NFAT5: variants seen among roughly 807,000 people sequenced by gnomAD.
The protein encoded by NFAT5 is nuclear factor of activated T-cells 5.
A neutral mutation model predicts 166.5 loss-of-function variants in NFAT5; 31 were observed. The ratio of observed to expected loss-of-function variants is 0.19; its 90% confidence interval spans 0.14 to 0.25. NFAT5 has a LOEUF of 0.25. Among genes scored for constraint, NFAT5 ranks in the 10% least tolerant of loss-of-function variants. NFAT5 has a pLI of 1.00. For synonymous variants in NFAT5, 612 were observed against 639.7 expected, an observed-to-expected ratio of 0.96 and a Z score of 0.65; for missense variants, 1,449 against 1,821.8, an observed-to-expected ratio of 0.80 and a Z score of 3.72.
At chr16:69,651,009 T>C (rs72801352) in intron 4 of NFAT5, among the ~76,000 whole-genome samples, 8,758 of 152,340 alleles carry the variant, frequency 0.057, 278 homozygotes, top group Middle Eastern at 0.11. Flanking sequence ...TTGATACTTA[T>C]GTTCATAGAA....
At position 69,566,168 on chromosome 16, in the gene NFAT5, CGAG is replaced by C; in HGVS notation, c.-126_-124del. 5 of 680,692 alleles carry C rather than the reference CGAG, an allele frequency of 7.3e-6. No homozygotes were observed. Among genetic ancestry groups the C allele is most frequent in the Non-Finnish European group, 9.9e-6 (4 of 405,778 alleles). The allele number at this position is 680,692 out of a possible 1,614,324, so 42.2% of individuals were successfully genotyped here. A position where few individuals can be genotyped will look rare whatever the true frequency, so the allele number is the denominator to read the frequency against. On this transcript the variant is annotated 5_prime_UTR_variant, in exon 1 of 15. Coordinates refer to ENST00000349945, the MANE Select transcript of NFAT5 (RefSeq NM_138713.4). The surrounding 1 kb of genome is among the most constrained non-coding windows in gnomAD (Gnocchi z 5.7). ...TCGGCCCAGTGGAAGTCACTACCCT[CGAG>C]GAGGAGGCAGCGGCAGCCGCCCTCG...
intron 2 of NFAT5, among the ~76,000 whole-genome samples, chr16:69,601,993 G>C (rs2033155494): frequency 6.6e-6 from 1 of 152,088 alleles, no homozygotes; most frequent in Non-Finnish European, 1.5e-5. Flanking sequence ...ACAGTGTTGA[G>C]GTTAAGTGCA....
intron 2 of NFAT5, among the ~76,000 whole-genome samples, chr16:69,576,334 T>A (rs1402926471): frequency 6.6e-6 from 1 of 150,614 alleles, no homozygotes; most frequent in Non-Finnish European, 1.5e-5. Flanking sequence ...TTGGCATTTA[T>A]ACTTTGGGCC....
chr16:69,678,266 G>A (rs1470228236), intron 10 of NFAT5, among the ~76,000 whole-genome samples: 3 of 151,610 alleles, frequency 2.0e-5, no homozygotes, highest in Admixed American at 6.6e-5. Flanking sequence ...CCAGGCTGGA[G>A]TGCAATGGCG....
intron 11 of NFAT5, chr16:69,685,712 A>G (rs932373114): frequency 6.6e-6 from 1 of 152,198 alleles, no homozygotes; most frequent in Non-Finnish European, 1.5e-5. Context: ...TGCTGAACAG[A>G]TATGGGCAGC....
At chr16:69,591,801 C>T (rs2032477201) in intron 2 of NFAT5, among the ~76,000 whole-genome samples, 1 of 151,992 alleles carries the variant, frequency 6.6e-6, no homozygotes, top group South Asian at 2.1e-4. Flanking sequence ...GACTTAAGGC[C>T]AGGAGTTCAA....
chr16:69,688,954 A>G (rs947638920), intron 11 of NFAT5, among the ~76,000 whole-genome samples: 1 of 152,210 alleles, frequency 6.6e-6, no homozygotes, highest in African/African-American at 2.4e-5. Context: ...TGCCCTGTGC[A>G]TGATCTGAAG....
At chr16:69,578,428 A>G (rs911016040) in intron 2 of NFAT5, among the ~76,000 whole-genome samples, 1 of 152,226 alleles carries the variant, frequency 6.6e-6, no homozygotes, top group Admixed American at 6.5e-5. Flanking sequence ...TCTGATAGCT[A>G]GTTTGAGATA....
chr16:69,692,899 C>T lies in NFAT5; in HGVS notation c.3074C>T (p.Thr1025Ile). The T allele has an allele frequency of 6.2e-7, 1 of 1,614,156 alleles. No homozygotes were observed. Among genetic ancestry groups the T allele is most frequent in the Non-Finnish European group, 8.5e-7 (1 of 1,180,028 alleles). Reference sequence around the variant, plus strand: ...CAGATTCAGAACAGTGTCTTTCAGACCATGGTCCAAATGCAACATAGTGGG... The same window carrying T: ...CAGATTCAGAACAGTGTCTTTCAGATCATGGTCCAAATGCAACATAGTGGG... ...AKQIQNSVFQ[T>I]MVQMQHSGDN... The change falls in exon 13 of 15, where the codon ACC becomes ATC. Residue 1025 changes from threonine (T) to isoleucine (I), a missense_variant. Thr to Ile is a moderately conservative substitution (Grantham distance 89). This residue lies in a region of NFAT5 where 891 missense variants were observed against 993.0 expected (regional missense o/e 0.90). Transcript: ENST00000349945.
chr16:69,594,739 G>A (rs896255129), intron 2 of NFAT5, among the ~76,000 whole-genome samples: 2 of 152,136 alleles, frequency 1.3e-5, no homozygotes, highest in Non-Finnish European at 2.9e-5. Context: ...TATTGTCAGG[G>A]TTCTCTAGAG....
rs539867243 is a variant in NFAT5, at chr16:69,566,511, G to C, written c.73+137G>C. ...CCCCCATGGCTTCTTTGGCCGGAGCGGGCAGAGGCCGAAGGGATCGGGGTG... is the reference window on the plus strand; with the variant it reads ...CCCCCATGGCTTCTTTGGCCGGAGCCGGCAGAGGCCGAAGGGATCGGGGTG... On this transcript the variant is annotated intron_variant, in intron 1 of 14. Transcript: ENST00000349945. The surrounding 1 kb of genome is among the most constrained non-coding windows in gnomAD (Gnocchi z 5.7). The C allele has an allele frequency of 6.5e-6, 5 of 765,878 alleles. No individual in the cohort carries two copies. Among genetic ancestry groups the C allele is most frequent in the African/African-American group, 5.2e-5 (3 of 57,414 alleles). 47.4% of individuals were successfully genotyped at this position (765,878 alleles called of 1,614,324 possible).
At chr16:69,644,175 C>T (rs1232003246) in intron 3 of NFAT5, among the ~76,000 whole-genome samples, 1 of 151,812 alleles carries the variant, frequency 6.6e-6, no homozygotes, top group East Asian at 1.9e-4. Flanking sequence ...GTCTCAGTTA[C>T]TCGGGAAGCT....
At chr16:69,637,466 A>G (rs1308283794) in intron 3 of NFAT5, among the ~76,000 whole-genome samples, 3 of 152,202 alleles carry the variant, frequency 2.0e-5, no homozygotes, top group Non-Finnish European at 4.4e-5. Context: ...CAGATTGGGA[A>G]GAAAAAATGT....
At chr16:69,660,037 G>A (rs1368753569) in intron 7 of NFAT5, 138 bp downstream of exon 7, 2 of 733,438 alleles carry the variant, frequency 2.7e-6, no homozygotes, top group East Asian at 2.8e-5. Context: ...TTTAAAAGCA[G>A]TAGTCAGATT....
At position 69,566,272 on chromosome 16, in the gene NFAT5, T is replaced by A; in HGVS notation, c.-30T>A. 1 of 1,586,940 alleles carries A rather than the reference T, an allele frequency of 6.3e-7. No homozygotes were observed. Among genetic ancestry groups the A allele is most frequent in the African/African-American group, 1.4e-5 (1 of 73,708 alleles). On this transcript the variant is annotated 5_prime_UTR_variant, in exon 1 of 15. Transcript: ENST00000349945. This position sits in a 1 kb window ranked among gnomAD's most constrained non-coding sequence, Gnocchi z 5.7. Reference sequence around the variant, plus strand: ...GCCACCGCCGCTCCCCCCCTCCCGCTGCCCTCGGGCCGGGCTGGGTCGAGC... The same window carrying A: ...GCCACCGCCGCTCCCCCCCTCCCGCAGCCCTCGGGCCGGGCTGGGTCGAGC...
intron 1 of NFAT5, among the ~76,000 whole-genome samples, chr16:69,567,683 C>T (rs2016148857): frequency 6.6e-6 from 1 of 152,148 alleles, no homozygotes; most frequent in African/African-American, 2.4e-5. Context: ...ATTGTAGCCA[C>T]TGTCTGTTGC....
chr16:69,595,533 T>C (rs886570783), intron 2 of NFAT5, among the ~76,000 whole-genome samples: 2 of 152,190 alleles, frequency 1.3e-5, no homozygotes, highest in African/African-American at 4.8e-5. Context: ...GCCTTTTAAA[T>C]CTTAACTAAG....
At chr16:69,664,361 T>C (rs1244573799) in intron 7 of NFAT5, among the ~76,000 whole-genome samples, 4 of 152,174 alleles carry the variant, frequency 2.6e-5, no homozygotes, top group Admixed American at 6.5e-5. Flanking sequence ...CCCGGCTCAC[T>C]GCAAGCTCCA....
At chr16:69,664,107 T>C (rs1280160637) in intron 7 of NFAT5, among the ~76,000 whole-genome samples, 3 of 152,208 alleles carry the variant, frequency 2.0e-5, no homozygotes, top group Non-Finnish European at 1.5e-5. Flanking sequence ...TATCCCTCTC[T>C]TAAAATTTTG....
Sources: gnomAD v4.1 joint callset for allele counts (sites outside exome capture counted in the v4.1 genomes callset) on GRCh38, gnomAD v4.1.1 for gene constraint, gnomAD v4.1.1 regional missense constraint, Gnocchi (gnomAD v3.1) non-coding constraint, MANE v1.5 for transcripts, NCBI Gene and HGNC (gene_info 2026-07-23, HGNC 2026-07-21) for gene names.